MTCL3: variants seen among roughly 807,000 people sequenced by gnomAD.
MTCL3 encodes the protein MTCL family member 3, also known as microtubule cross-linking factor 3.
At chr6:127,516,113 C>A in the MTCL3 span, 1 of 1,468,322 alleles carries the variant, frequency 6.8e-7, no homozygotes, top group Non-Finnish European at 8.9e-7. Context: ...CCGCCCCCTC[C>A]TCCCCCTTCT....
the MTCL3 span, among the ~76,000 whole-genome samples, chr6:127,479,183 C>T: frequency 2.0e-5 from 3 of 152,210 alleles, no homozygotes; most frequent in Admixed American, 6.5e-5. Context: ...ATTCATGCCT[C>T]CCCATTTTAG....
chr6:127,514,095 A>T, the MTCL3 span, among the ~76,000 whole-genome samples: 23,269 of 152,256 alleles, frequency 0.15, 2,675 homozygotes, highest in African/African-American at 0.33. Context: ...TAGTTTGCAT[A>T]GTCAATGAAT....
chr6:127,515,247 C>G, the MTCL3 span, among the ~76,000 whole-genome samples: 11 of 152,148 alleles, frequency 7.2e-5, no homozygotes, highest in African/African-American at 2.7e-4. The surrounding 1 kb of genome is among the most constrained non-coding windows in gnomAD (Gnocchi z 4.3). Flanking sequence ...CGTTCTCTTA[C>G]TCTACCTCTC....
the MTCL3 span, among the ~76,000 whole-genome samples, chr6:127,481,945 C>T: frequency 6.6e-6 from 1 of 152,188 alleles, no homozygotes; most frequent in South Asian, 2.1e-4. Context: ...CGGGAATGAC[C>T]TCTGGTCGTC....
the MTCL3 span, chr6:127,515,417 T>C: frequency 1.7e-6 from 2 of 1,211,458 alleles, no homozygotes; most frequent in Admixed American, 3.4e-5. The surrounding 1 kb of genome is among the most constrained non-coding windows in gnomAD (Gnocchi z 4.3). Flanking sequence ...CAAGGCTCCC[T>C]AACAGGTTAG....
chr6:127,516,741 C>G, the MTCL3 span: 1 of 1,452,806 alleles, frequency 6.9e-7, no homozygotes, highest in Admixed American at 2.7e-5. Flanking sequence ...GACAACATGT[C>G]TGAATTTTTG....
chr6:127,481,138 G>A, the MTCL3 span, among the ~76,000 whole-genome samples: 1 of 152,164 alleles, frequency 6.6e-6, no homozygotes, highest in Non-Finnish European at 1.5e-5. Flanking sequence ...AGACTAAACA[G>A]TTAAGAATTC....
the MTCL3 span, among the ~76,000 whole-genome samples, chr6:127,510,733 G>C: frequency 1.6e-4 from 24 of 152,210 alleles, no homozygotes; most frequent in African/African-American, 5.3e-4. Context: ...CGTATGAATA[G>C]GGAATGGCGC....
At chr6:127,513,448 T>C in the MTCL3 span, among the ~76,000 whole-genome samples, 1 of 152,216 alleles carries the variant, frequency 6.6e-6, no homozygotes, top group Admixed American at 6.5e-5. Context: ...CAAATTTCCT[T>C]TACTTCAGCA....
At chr6:127,499,374 C>A in the MTCL3 span, among the ~76,000 whole-genome samples, 2 of 151,892 alleles carry the variant, frequency 1.3e-5, no homozygotes, top group African/African-American at 2.4e-5. Context: ...CAACTGACAT[C>A]GCAGAAAATT....
chr6:127,515,379 T>A, the MTCL3 span: 103 of 870,836 alleles, frequency 1.2e-4, no homozygotes, highest in South Asian at 2.0e-3. The surrounding 1 kb of genome is among the most constrained non-coding windows in gnomAD (Gnocchi z 4.3). Context: ...GGAAACCCCC[T>A]CCCTCCTTTC....
the MTCL3 span, among the ~76,000 whole-genome samples, chr6:127,501,786 T>C: frequency 7.2e-5 from 11 of 152,294 alleles, no homozygotes; most frequent in East Asian, 2.1e-3. Flanking sequence ...TCTTCAAATG[T>C]CATTTACCAT....
the MTCL3 span, chr6:127,481,401 T>C: frequency 1.0e-6 from 1 of 985,190 alleles, no homozygotes; most frequent in Admixed American, 6.2e-5. Flanking sequence ...GTACAAAAAA[T>C]GATATCATGG....
chr6:127,499,970 C>A, the MTCL3 span, among the ~76,000 whole-genome samples: 1 of 152,078 alleles, frequency 6.6e-6, no homozygotes, highest in African/African-American at 2.4e-5. Context: ...TTTCACTGGC[C>A]TCTATAATAC....
the MTCL3 span, among the ~76,000 whole-genome samples, chr6:127,500,786 G>C: frequency 6.6e-6 from 1 of 152,092 alleles, no homozygotes; most frequent in Admixed American, 6.6e-5. Flanking sequence ...CAAAGAACAG[G>C]CTGTAGTGTA....
At chr6:127,473,065 G>A in the MTCL3 span, 1 of 1,108,762 alleles carries the variant, frequency 9.0e-7, no homozygotes, top group Non-Finnish European at 1.1e-6. Flanking sequence ...ACAGAAAAAT[G>A]TCACACTTTC....
At chr6:127,515,956 G>A in the MTCL3 span, 2 of 1,605,820 alleles carry the variant, frequency 1.2e-6, no homozygotes, top group Admixed American at 3.3e-5. This position sits in a 1 kb window ranked among gnomAD's most constrained non-coding sequence, Gnocchi z 4.3. Context: ...CGCAGAAGAG[G>A]AGGATGGAGA....
At chr6:127,486,971 T>G in the MTCL3 span, among the ~76,000 whole-genome samples, 1 of 152,134 alleles carries the variant, frequency 6.6e-6, no homozygotes, top group Non-Finnish European at 1.5e-5. Flanking sequence ...AAAGAGAGAT[T>G]CATTTGTGTG....
At chr6:127,475,632 G>A in the MTCL3 span, 4 of 1,598,474 alleles carry the variant, frequency 2.5e-6, no homozygotes, top group Non-Finnish European at 3.4e-6. The surrounding 1 kb of genome is among the most constrained non-coding windows in gnomAD (Gnocchi z 7.3). Context: ...GCGCCGGGTA[G>A]AAGGAGCGAG....
Sources: gnomAD v4.1 joint callset for allele counts (sites outside exome capture counted in the v4.1 genomes callset) on GRCh38, gnomAD v4.1.1 for gene constraint, Gnocchi (gnomAD v3.1) non-coding constraint, MANE v1.5 for transcripts, NCBI Gene and HGNC (gene_info 2026-07-23, HGNC 2026-07-21) for gene names.